Variants in CELSR1 observed in about 807,000 individuals in gnomAD.
CELSR1 encodes the protein cadherin EGF LAG seven-pass G-type receptor 1.
CELSR1 carries 110 observed loss-of-function variants against 249.1 expected under a neutral mutation model. The observed-to-expected ratio is 0.44, with a 90% confidence interval of 0.38 to 0.52. The LOEUF (loss-of-function observed/expected upper bound fraction) is 0.52, where lower values mean the gene tolerates loss of function less well. Ranked by LOEUF, CELSR1 falls within the 20% of genes least tolerant of loss-of-function variation. CELSR1 has a pLI of 0.00. For synonymous variants in CELSR1, 2,113 were observed against 1,900.0 expected (o/e 1.11, Z -2.92); for missense variants, 4,109 against 4,296.4 (o/e 0.96, Z 1.22).
chr22:46,501,453 G>A (rs1350000757), intron 1 of CELSR1, among the ~76,000 whole-genome samples: 4 of 151,994 alleles, frequency 2.6e-5, no homozygotes, highest in African/African-American at 7.3e-5. Flanking sequence ...TGATCCACCC[G>A]CCTCGACCTC....
intron 5 of CELSR1, among the ~76,000 whole-genome samples, chr22:46,431,441 C>T (rs2079594753): frequency 6.6e-6 from 1 of 152,232 alleles, no homozygotes; most frequent in Admixed American, 6.5e-5. Context: ...ACCCCCTCCC[C>T]AGCAACAAAC....
rs746936769 is a variant in CELSR1 at position 46,369,973 on chromosome 22, T to C, written c.7760-169A>G. On this transcript the variant is annotated intron_variant, in intron 25 of 34. Coordinates refer to ENST00000674500, the MANE Select transcript of CELSR1 (RefSeq NM_001378328.1). ...CCAGGGCCCCTCCAAGCACAGTCTC[T>C]CCGTGTAGGGTCTCAGGCTCACTGG... The C allele has an allele frequency of 5.3e-5, 36 of 679,998 alleles. No homozygotes were observed. In the African/African-American group the frequency reaches 5.8e-4, roughly 11 times the overall value. The allele number at this position is 679,998 out of a possible 1,614,324, so 42.1% of individuals were successfully genotyped here.
At chr22:46,439,162 G>T (rs372020547) in intron 3 of CELSR1, 27 bp downstream of exon 3, 1 of 1,595,198 alleles carries the variant, frequency 6.3e-7, no homozygotes, top group East Asian at 2.2e-5. Context: ...AGAGACCCCC[G>T]TGTGGCGCGG....
intron 32 of CELSR1, 115 bp from the exon 33 acceptor site, chr22:46,364,851 G>A: frequency 9.3e-7 from 1 of 1,073,026 alleles, no homozygotes; most frequent in Non-Finnish European, 1.3e-6. Context: ...AGGCCTGGTA[G>A]GGCTGAACCC....
Position 46,397,948 on chromosome 22 carries a change from C to A in CELSR1, c.5527-100G>T, listed in dbSNP as rs145615053. On this transcript the variant is annotated intron_variant, in intron 11 of 34. Coordinates refer to ENST00000674500, the MANE Select transcript of CELSR1 (RefSeq NM_001378328.1). ...CTCTGGTCCCTTGCGAGGCATTCAT[C>A]TGTGATGCCTCATTTATCTACAGAG... 160 of 985,684 alleles carry A rather than the reference C, an allele frequency of 1.6e-4. 3 individuals carry two copies. The East Asian group carries it at 4.3e-3, about 27-fold the overall frequency. The allele number at this position is 985,684 out of a possible 1,614,324, so 61.1% of individuals were successfully genotyped here. A position where few individuals can be genotyped will look rare whatever the true frequency, so the allele number is the denominator to read the frequency against.
At chr22:46,496,387 G>A (rs550658810) in intron 1 of CELSR1, among the ~76,000 whole-genome samples, 2 of 152,158 alleles carry the variant, frequency 1.3e-5, no homozygotes, top group African/African-American at 4.8e-5. Flanking sequence ...GGCCAACATG[G>A]TGAAACCCTG....
chr22:46,456,464 C>T (rs778235964), intron 2 of CELSR1, among the ~76,000 whole-genome samples: 12 of 152,072 alleles, frequency 7.9e-5, no homozygotes, highest in South Asian at 2.1e-4. Flanking sequence ...TCGAGACCGT[C>T]ATGGTTAACA....
chr22:46,390,314 C>G lies in CELSR1; in HGVS notation c.6345+78G>C. Reference sequence around the variant, plus strand: ...CCAACACTCCCCAGCCCAGGAGCCTCGGCCCACACAAACTCTCTCACGCAT... The same window carrying G: ...CCAACACTCCCCAGCCCAGGAGCCTGGGCCCACACAAACTCTCTCACGCAT... On this transcript the variant is annotated intron_variant, in intron 17 of 34. Transcript: ENST00000674500. The surrounding 1 kb of genome is among the most constrained non-coding windows in gnomAD (Gnocchi z 6.3). 3 of 1,200,790 alleles carry G rather than the reference C, an allele frequency of 2.5e-6. No homozygotes were observed. In the East Asian group the frequency reaches 7.7e-5, roughly 31 times the overall value. 74.4% of individuals were successfully genotyped at this position (1,200,790 alleles called of 1,614,324 possible).
At chr22:46,367,586 A>T in intron 28 of CELSR1, 143 bp downstream of exon 28, 1 of 1,162,054 alleles carries the variant, frequency 8.6e-7, no homozygotes, top group Non-Finnish European at 1.2e-6. Context: ...CAAGGGACTG[A>T]GTCCTCACAG....
intron 1 of CELSR1, among the ~76,000 whole-genome samples, chr22:46,519,254 A>T: frequency 6.6e-6 from 1 of 152,234 alleles, no homozygotes; most frequent in East Asian, 1.9e-4. Context: ...ACACCACAAA[A>T]TGGCTCACAT....
rs967978073 is a variant in CELSR1, at chr22:46,409,526, C to T, written c.5059+229G>A. On this transcript the variant is annotated intron_variant, in intron 8 of 34. Coordinates refer to ENST00000674500, the MANE Select transcript of CELSR1 (RefSeq NM_001378328.1). The surrounding 1 kb of genome is among the most constrained non-coding windows in gnomAD (Gnocchi z 9.8). ...GCTGGGCTCTGCCGGCCCAGCCTAC[C>T]TGTCCCACCCCACACCTGAGGGACT... Among the ~76,000 whole-genome samples, 2 of 152,128 alleles carry T rather than the reference C, an allele frequency of 1.3e-5. No homozygotes were observed. The highest frequency in any genetic ancestry group is 1.3e-4 in the Admixed American group (2 of 15,278).
intron 1 of CELSR1, among the ~76,000 whole-genome samples, chr22:46,486,973 T>C (rs564107285): frequency 2.0e-5 from 3 of 152,220 alleles, no homozygotes; most frequent in African/African-American, 7.2e-5. Flanking sequence ...TCCCCACTCA[T>C]CACACGTTTA....
At position 46,468,622 on chromosome 22, in the gene CELSR1, G is replaced by GT. The variant is rs1433780200; in HGVS notation, c.3545-4278dup. On this transcript the variant is annotated intron_variant, in intron 1 of 34. Transcript: ENST00000674500. The surrounding 1 kb of genome is among the most constrained non-coding windows in gnomAD (Gnocchi z 4.5). ...TGGGGAGGCAGATTGGGGAGCTGTT[G>GT]TTTAGTGGGTGTGGGGTTTCAGTTT... Among the ~76,000 whole-genome samples, 2 of 152,106 alleles carry GT rather than the reference G, an allele frequency of 1.3e-5. No homozygotes were observed. Among genetic ancestry groups the GT allele is most frequent in the East Asian group, 3.8e-4 (2 of 5,196 alleles).
chr22:46,411,717 C>T lies in CELSR1; in HGVS notation c.4654G>A (p.Glu1552Lys). ...HLGLPHGPSG[E>K]KMAVVTVDDC... ...TCCACTGTCACCACGGCCATCTTTTCCCCGGACGGCCCATGGGGCAGGCCC... is the reference window on the plus strand; with the variant it reads ...TCCACTGTCACCACGGCCATCTTTTTCCCGGACGGCCCATGGGGCAGGCCC... The change falls in exon 6 of 35, where the codon GAA becomes AAA. Residue 1552 changes from glutamate (E) to lysine (K), a missense_variant. Around this residue, in one of 7 missense-constraint regions of CELSR1, gnomAD observed 453 missense variants for 492.0 expected, o/e 0.92. Coordinates refer to ENST00000674500, the MANE Select transcript of CELSR1 (RefSeq NM_001378328.1). This position sits in a 1 kb window ranked among gnomAD's most constrained non-coding sequence, Gnocchi z 4.2. 1 of 1,614,220 alleles carries T rather than the reference C, an allele frequency of 6.2e-7. No individual in the cohort carries two copies. Among genetic ancestry groups the T allele is most frequent in the Non-Finnish European group, 8.5e-7 (1 of 1,180,042 alleles).
At chr22:46,457,019 C>T (rs2079962917) in intron 2 of CELSR1, among the ~76,000 whole-genome samples, 1 of 152,132 alleles carries the variant, frequency 6.6e-6, no homozygotes, top group Non-Finnish European at 1.5e-5. Context: ...GTTCCTGATT[C>T]CCAAACCAAG....
intron 1 of CELSR1, among the ~76,000 whole-genome samples, chr22:46,475,969 G>T (rs1285924812): frequency 2.0e-5 from 3 of 152,104 alleles, no homozygotes; most frequent in Admixed American, 1.3e-4. Context: ...AGGAAGGTGT[G>T]TTCACACATC....
chr22:46,537,207 C>CAA lies in CELSR1; in HGVS notation c.-39_-38dup, dbSNP rs1458165531. 3 of 1,017,672 alleles carry CAA rather than the reference C, an allele frequency of 2.9e-6. No homozygotes were observed. The African/African-American group carries it at 5.2e-5, about 18-fold the overall frequency. The allele number at this position is 1,017,672 out of a possible 1,614,324, so 63.0% of individuals were successfully genotyped here. ...CGAGCCCGAGCCGGGCGCCCGAACA[C>CAA]AATCCATGCACCCGGCGCGCCTCCG... On this transcript the variant is annotated 5_prime_UTR_variant, in exon 1 of 35. Transcript: ENST00000674500. This position sits in a 1 kb window ranked among gnomAD's most constrained non-coding sequence, Gnocchi z 5.8.
intron 1 of CELSR1, among the ~76,000 whole-genome samples, chr22:46,505,740 C>T (rs916744392): frequency 6.6e-6 from 1 of 152,116 alleles, no homozygotes; most frequent in African/African-American, 2.4e-5. Context: ...GAAAAATGTT[C>T]GGAAAGACAC....
chr22:46,534,680 G>A lies in CELSR1; in HGVS notation c.2491C>T (p.Pro831Ser), dbSNP rs756375035. Reference protein sequence around the residue: ...NARITYVIQDPVPQFRIDPDS... With the variant: ...NARITYVIQDSVPQFRIDPDS... ...GGGTCAATGCGGAACTGCGGCACGG[G>A]GTCCTGAATCACGTAGGTGATGCGG... The change falls in exon 1 of 35, where the codon CCC (proline) becomes TCC (serine). Residue 831 changes from proline to serine, a missense_variant. Around this residue, in one of 7 missense-constraint regions of CELSR1, gnomAD observed 886 missense variants for 896.5 expected, o/e 0.99. Transcript: ENST00000674500. This position sits in a 1 kb window ranked among gnomAD's most constrained non-coding sequence, Gnocchi z 9.7. 1 of 1,613,676 alleles carries A rather than the reference G, an allele frequency of 6.2e-7. No homozygotes were observed. The highest frequency in any genetic ancestry group is 1.1e-5 in the South Asian group (1 of 91,082).
Sources: allele counts gnomAD v4.1 joint callset (sites outside exome capture counted in the v4.1 genomes callset), GRCh38; gene constraint gnomAD v4.1.1; regional missense constraint gnomAD v4.1.1; non-coding constraint Gnocchi (gnomAD v3.1); transcripts MANE v1.5; gene names NCBI Gene and HGNC (gene_info 2026-07-23, HGNC 2026-07-21).